Variants in SLC30A6 observed in about 807,000 individuals in gnomAD.
The protein encoded by SLC30A6 is solute carrier family 30 member 6.
Under a neutral mutation model 63.0 loss-of-function variants are expected in SLC30A6, and 55 were observed. That is an observed-to-expected ratio of 0.87 (90% CI 0.70 to 1.09). The LOEUF (loss-of-function observed/expected upper bound fraction) is 1.09, where lower values mean the gene tolerates loss of function less well. Among genes scored for constraint, SLC30A6 ranks in the 50% least tolerant of loss-of-function variants. The pLI is 0.00. For missense variants in SLC30A6, 587 were observed against 549.2 expected, an observed-to-expected ratio of 1.07 and a Z score of -0.69; for synonymous variants, 224 against 186.1, an observed-to-expected ratio of 1.20 and a Z score of -1.66.
intron 1 of SLC30A6, among the ~76,000 whole-genome samples, chr2:32,169,246 C>T (rs1284209444): frequency 6.6e-6 from 1 of 152,092 alleles, no homozygotes; most frequent in Non-Finnish European, 1.5e-5. Flanking sequence ...GAACCTGGCT[C>T]ACTGCTTGAC....
At chr2:32,185,890 T>G (rs1325131241) in intron 5 of SLC30A6, among the ~76,000 whole-genome samples, 1 of 150,812 alleles carries the variant, frequency 6.6e-6, no homozygotes, top group Non-Finnish European at 1.5e-5. Flanking sequence ...TGGCTCAGTT[T>G]TTTTTTTTTT....
intron 10 of SLC30A6, chr2:32,203,273 T>C: frequency 1.0e-6 from 1 of 962,658 alleles, no homozygotes; most frequent in African/African-American, 1.6e-5. Flanking sequence ...TATATGTTTT[T>C]ATCAACCAAG....
At position 32,209,482 on chromosome 2, in the gene SLC30A6, GT is replaced by G. The variant is rs750264225; in HGVS notation, c.817-6del. The stretch of plus-strand genomic sequence containing the variant: ...CAGACAACTCTGATCACCTCTTTCT[GT>G]TTTTGGTAGGTATCTACCTTAGATG... On this transcript the variant is annotated splice_polypyrimidine_tract_variant and intron_variant, in intron 12 of 13. Coordinates refer to ENST00000282587, the MANE Select transcript of SLC30A6 (RefSeq NM_017964.5). 6.2e-7 allele frequency: 1 copy of G among 1,602,374 alleles called. No homozygotes were observed. The highest frequency in any genetic ancestry group is 1.7e-4 in the Middle Eastern group (1 of 5,982).
intron 5 of SLC30A6, among the ~76,000 whole-genome samples, chr2:32,186,414 G>T (rs749804354): frequency 6.6e-6 from 1 of 152,186 alleles, no homozygotes; most frequent in African/African-American, 2.4e-5. Flanking sequence ...GGCCTGGTGC[G>T]GTGGCTTACG....
At chr2:32,172,181 A>G (rs138864775) in intron 2 of SLC30A6, among the ~76,000 whole-genome samples, 45 of 152,290 alleles carry the variant, frequency 3.0e-4, no homozygotes, top group African/African-American at 4.8e-4. Flanking sequence ...TCACCTTTTT[A>G]TAGAAGTACA....
At chr2:32,185,987 T>A (rs1185721835) in intron 5 of SLC30A6, among the ~76,000 whole-genome samples, 1 of 151,698 alleles carries the variant, frequency 6.6e-6, no homozygotes, top group Non-Finnish European at 1.5e-5. Flanking sequence ...TATCTCTGCC[T>A]CCCAAAGTGC....
chr2:32,171,269 T>C lies in SLC30A6; in HGVS notation c.4-18T>C, dbSNP rs778595498. On this transcript the variant is annotated intron_variant, in intron 1 of 13. Coordinates refer to ENST00000282587, the MANE Select transcript of SLC30A6 (RefSeq NM_017964.5). ...GATTAAATATCTAAATGCTGATTTG[T>C]ATATGTTTGTTTGAAAGGGGACAAT... 3 of 1,603,234 alleles carry C rather than the reference T, an allele frequency of 1.9e-6. No homozygotes were observed. Among genetic ancestry groups the C allele is most frequent in the Non-Finnish European group, 2.6e-6 (3 of 1,170,422 alleles).
At chr2:32,209,160 A>G (rs907236500) in intron 12 of SLC30A6, among the ~76,000 whole-genome samples, 1 of 152,236 alleles carries the variant, frequency 6.6e-6, no homozygotes, top group Admixed American at 6.5e-5. Flanking sequence ...CTGATACCAC[A>G]AAGTGCTAGA....
intron 8 of SLC30A6, among the ~76,000 whole-genome samples, chr2:32,196,614 C>A (rs989718719): frequency 6.6e-6 from 1 of 152,228 alleles, no homozygotes; most frequent in Non-Finnish European, 1.5e-5. Flanking sequence ...CATCCCAAAC[C>A]TGAAAATTTA....
chr2:32,198,903 T>G (rs1047448889), intron 10 of SLC30A6, among the ~76,000 whole-genome samples: 1 of 152,172 alleles, frequency 6.6e-6, no homozygotes, highest in Non-Finnish European at 1.5e-5. Flanking sequence ...TTGGTGACAT[T>G]GCATGCAGCC....
intron 10 of SLC30A6, chr2:32,202,077 TAAG>T: frequency 2.4e-6 from 2 of 834,972 alleles, no homozygotes; most frequent in Non-Finnish European, 3.7e-6. Flanking sequence ...AATCAAGTGA[TAAG>T]AAGCTAGAGG....
At chr2:32,184,010 T>C (rs922615030) in intron 4 of SLC30A6, among the ~76,000 whole-genome samples, 1 of 152,200 alleles carries the variant, frequency 6.6e-6, no homozygotes, top group African/African-American at 2.4e-5. Context: ...GGTTCTACTT[T>C]ACTGACTTGA....
At chr2:32,188,740 CTT>C (rs1344514087) in intron 5 of SLC30A6, among the ~76,000 whole-genome samples, 1 of 152,078 alleles carries the variant, frequency 6.6e-6, no homozygotes, top group East Asian at 1.9e-4. Flanking sequence ...TCTGTAATAT[CTT>C]TGTGCAATTT....
intron 1 of SLC30A6, 149 bp downstream of exon 1, chr2:32,166,052 A>G: frequency 8.7e-7 from 1 of 1,155,222 alleles, no homozygotes; most frequent in East Asian, 2.4e-5. Flanking sequence ...GCTGTCTCCC[A>G]AAATGTTCCC....
At chr2:32,197,865 C>T (rs202221951) in intron 10 of SLC30A6, 39 bp downstream of exon 10, 1 of 1,608,182 alleles carries the variant, frequency 6.2e-7, no homozygotes, top group African/African-American at 1.3e-5. Flanking sequence ...GTTTTGATTT[C>T]TGGGGACTTA....
At chr2:32,197,669 TCTG>T (rs1392734048) in intron 9 of SLC30A6, 35 bp from the exon 10 acceptor site, 1 of 1,612,270 alleles carries the variant, frequency 6.2e-7, no homozygotes, top group Non-Finnish European at 8.5e-7. Context: ...TTATGTGAGT[TCTG>T]CTAATGGATA....
intron 13 of SLC30A6, among the ~76,000 whole-genome samples, chr2:32,219,432 G>T (rs1397842209): frequency 6.6e-6 from 1 of 150,390 alleles, no homozygotes; most frequent in Non-Finnish European, 1.5e-5. Flanking sequence ...GAAATACTTG[G>T]ACTTCTTTTT....
In SLC30A6 at chr2:32,220,603, C is replaced by A; in HGVS notation, c.1276C>A (p.Gln426Lys). Residue 426 changes from glutamine (Q) to lysine (K), a missense_variant, in exon 14 of 14, where the codon CAA (glutamine) becomes AAA (lysine). Transcript: ENST00000282587. ...GHTPYSSMLN[Q>K]GLGVPGIGAT... ...CACACCTTACAGCAGCATGCTTAAT[C>A]AAGGACTTGGAGTTCCAGGAATTGG... 1 of 1,614,160 alleles carries A rather than the reference C, an allele frequency of 6.2e-7. No individual in the cohort carries two copies. Among genetic ancestry groups the A allele is most frequent in the Non-Finnish European group, 8.5e-7 (1 of 1,180,036 alleles).
At chr2:32,211,505 C>G (rs1573412989) in intron 13 of SLC30A6, among the ~76,000 whole-genome samples, 1 of 152,014 alleles carries the variant, frequency 6.6e-6, no homozygotes, top group Non-Finnish European at 1.5e-5. Context: ...GTCTTTTTGC[C>G]TGGATGCCCA....
Sources: allele counts gnomAD v4.1 joint callset (sites outside exome capture counted in the v4.1 genomes callset), GRCh38; gene constraint gnomAD v4.1.1; transcripts MANE v1.5; gene names NCBI Gene and HGNC (gene_info 2026-07-23, HGNC 2026-07-21).